Variants in KIF11 observed in about 807,000 individuals in gnomAD.
The protein encoded by KIF11 is kinesin-like protein KIF11.
In KIF11, 9 loss-of-function variants were observed where a neutral mutation model predicts 121.0. The observed-to-expected ratio is 0.07, with a 90% CI of 0.04 to 0.13. The LOEUF (loss-of-function observed/expected upper bound fraction) is 0.13. KIF11 is among the 10% of genes least tolerant of loss of function. The probability of loss-of-function intolerance (pLI) is 1.00; values close to 1 mark genes in which losing one functional copy is unlikely to be tolerated. For missense variants in KIF11, 846 were observed against 1,217.5 expected (o/e 0.69, Z 4.54); for synonymous variants, 408 against 421.0 (o/e 0.97, Z 0.38).
At position 92,593,253 on chromosome 10, in the gene KIF11, C is replaced by A; in HGVS notation, c.-123C>A. On this transcript the variant is annotated 5_prime_UTR_variant, in exon 1 of 22. Coordinates refer to ENST00000260731, the MANE Select transcript of KIF11 (RefSeq NM_004523.4). ...ACGCCGACCTGCGTGCGTCGGTCCT[C>A]CAGGCCACGCCAGCGCCCGAGAGGG... 1 of 962,850 alleles carries A rather than the reference C, an allele frequency of 1.0e-6. No individual in the cohort carries two copies. Among genetic ancestry groups the A allele is most frequent in the Non-Finnish European group, 1.5e-6 (1 of 649,002 alleles). 59.6% of individuals were successfully genotyped at this position (962,850 alleles called of 1,614,324 possible).
chr10:92,626,148 A>G (rs918790812), intron 10 of KIF11, among the ~76,000 whole-genome samples: 3 of 152,240 alleles, frequency 2.0e-5, no homozygotes, highest in Non-Finnish European at 4.4e-5. Context: ...AGCTGGAGGC[A>G]TCGCATTACC....
chr10:92,604,885 T>C (rs913795585), intron 1 of KIF11, among the ~76,000 whole-genome samples: 1 of 152,184 alleles, frequency 6.6e-6, no homozygotes, highest in Admixed American at 6.5e-5. Context: ...GGATGACATT[T>C]ATTAGGCAAT....
At chr10:92,634,706 T>G (rs1406072961) in intron 14 of KIF11, among the ~76,000 whole-genome samples, 2 of 152,226 alleles carry the variant, frequency 1.3e-5, no homozygotes, top group Non-Finnish European at 2.9e-5. Context: ...GAGTAGCAGT[T>G]ATTAGTGAGG....
Position 92,607,208 on chromosome 10 carries a change from T to C in KIF11, c.358T>C (p.Ser120Pro). 1 of 1,607,820 alleles carries C rather than the reference T, an allele frequency of 6.2e-7. No individual in the cohort carries two copies. Among genetic ancestry groups the C allele is most frequent in the African/African-American group, 1.3e-5 (1 of 74,908 alleles). Reference protein sequence around the residue: ...GKTFTMEGERSPNEEYTWEED... With the variant: ...GKTFTMEGERPPNEEYTWEED... ...AACTTTTACAATGGAAGGTGAAAGGTCACCTAATGAAGAGTATACCTGGGA... is the reference window on the plus strand; with the variant it reads ...AACTTTTACAATGGAAGGTGAAAGGCCACCTAATGAAGAGTATACCTGGGA... Residue 120 changes from serine to proline, a missense_variant, in exon 4 of 22, where the codon TCA (serine) becomes CCA (proline). Physicochemically the swap from Ser to Pro is moderately conservative, Grantham distance 74 (BLOSUM62 -1). This residue lies in a region of KIF11 where 140 missense variants were observed against 193.5 expected (regional missense o/e 0.72). Coordinates refer to ENST00000260731, the MANE Select transcript of KIF11 (RefSeq NM_004523.4).
rs1164009147 is a variant in KIF11 at position 92,613,919 on chromosome 10, T to C, written c.1032+300T>C. 6.0e-5 allele frequency among the ~76,000 whole-genome samples: 9 copies of C among 150,158 alleles called. No individual in the cohort carries two copies. The highest frequency in any genetic ancestry group is 2.0e-4 in the African/African-American group (8 of 40,670). On this transcript the variant is annotated intron_variant, in intron 8 of 21. Transcript: ENST00000260731. The surrounding 1 kb of genome is among the most constrained non-coding windows in gnomAD (Gnocchi z 4.2). ...TAAGCCTGGGAGGCAGAAGTTGCATTAAGCTGAGATCATGCAACTACACTC... is the reference window on the plus strand; with the variant it reads ...TAAGCCTGGGAGGCAGAAGTTGCATCAAGCTGAGATCATGCAACTACACTC...
At chr10:92,612,142 A>AT (rs113912289) in intron 6 of KIF11, among the ~76,000 whole-genome samples, 20,430 of 146,108 alleles carry the variant, frequency 0.14, 1,557 homozygotes, top group Non-Finnish European at 0.16. Flanking sequence ...TTTTTTTGTG[A>AT]TTTTTTTTTT....
chr10:92,627,941 T>C (rs917007796), intron 10 of KIF11, among the ~76,000 whole-genome samples: 3 of 152,212 alleles, frequency 2.0e-5, no homozygotes, highest in African/African-American at 7.2e-5. Context: ...TACACTTAAA[T>C]GCTCATTTCT....
chr10:92,645,248 G>A lies in KIF11; in HGVS notation c.2268-115G>A, dbSNP rs1844906588. 3 of 707,654 alleles carry A rather than the reference G, an allele frequency of 4.2e-6. No homozygotes were observed. The Admixed American group carries it at 8.9e-5, about 21-fold the overall frequency. 43.8% of individuals were successfully genotyped at this position (707,654 alleles called of 1,614,324 possible). ...AGATTTACTAAGATCACGGGCCCTG[G>A]AGCCAGACTGTCCACGTTCAGATCT... On this transcript the variant is annotated intron_variant, in intron 17 of 21. Coordinates refer to ENST00000260731, the MANE Select transcript of KIF11 (RefSeq NM_004523.4).
At chr10:92,614,021 T>TACACACACAC (rs71028831) in intron 8 of KIF11, among the ~76,000 whole-genome samples, 178 of 127,040 alleles carry the variant, frequency 1.4e-3, no homozygotes, top group African/African-American at 4.5e-3. Flanking sequence ...AGTATGTGTA[T>TACACACACAC]ACACACACAC....
At chr10:92,617,670 G>C (rs1371241012) in intron 9 of KIF11, among the ~76,000 whole-genome samples, 1 of 151,884 alleles carries the variant, frequency 6.6e-6, no homozygotes, top group Non-Finnish European at 1.5e-5. Context: ...CACTTGTTAT[G>C]GTCGGTCTTT....
At chr10:92,616,444 C>A (rs755144716) in intron 8 of KIF11, among the ~76,000 whole-genome samples, 2 of 152,020 alleles carry the variant, frequency 1.3e-5, no homozygotes, top group Non-Finnish European at 2.9e-5. Context: ...AAGTGACCCT[C>A]ATGCCTTGGC....
chr10:92,629,270 C>T (rs1313776128), intron 11 of KIF11, among the ~76,000 whole-genome samples: 1 of 151,764 alleles, frequency 6.6e-6, no homozygotes. Flanking sequence ...GCGTGAGCCA[C>T]TGCACCCAGC....
At chr10:92,650,729 T>C (rs1564718921) in intron 21 of KIF11, among the ~76,000 whole-genome samples, 1 of 152,200 alleles carries the variant, frequency 6.6e-6, no homozygotes, top group Non-Finnish European at 1.5e-5. Flanking sequence ...TTTGACTTAA[T>C]CTACATCCTT....
intron 11 of KIF11, among the ~76,000 whole-genome samples, chr10:92,629,837 C>T (rs1456249811): frequency 6.6e-6 from 1 of 152,088 alleles, no homozygotes; most frequent in Non-Finnish European, 1.5e-5. Flanking sequence ...AGGCTGGTCT[C>T]AAACTATGGG....
chr10:92,600,720 T>G (rs951000365), intron 1 of KIF11, among the ~76,000 whole-genome samples: 2 of 152,120 alleles, frequency 1.3e-5, no homozygotes, highest in Non-Finnish European at 2.9e-5. Flanking sequence ...TTGGCAAGGC[T>G]GGTCTCAAAC....
Position 92,645,610 on chromosome 10 carries a change from G to C in KIF11, c.2515G>C (p.Glu839Gln), listed in dbSNP as rs745992284. The change falls in exon 18 of 22, where the codon GAA becomes CAA. Residue 839 changes from glutamate to glutamine, a missense_variant. Physicochemically the swap from Glu to Gln is conservative, Grantham distance 29 (BLOSUM62 2). Coordinates refer to ENST00000260731, the MANE Select transcript of KIF11 (RefSeq NM_004523.4). ...TGAACAGTGGGTATCTTCCTTAAATGAAAGGGAACAGGAACTTCACAACTT... is the reference window on the plus strand; with the variant it reads ...TGAACAGTGGGTATCTTCCTTAAATCAAAGGGAACAGGAACTTCACAACTT... ...FSEQWVSSLN[E>Q]REQELHNLLE... The C allele has an allele frequency of 1.9e-5, 31 of 1,606,866 alleles. No individual in the cohort carries two copies. Among genetic ancestry groups the C allele is most frequent in the Non-Finnish European group, 3.4e-6 (4 of 1,176,924 alleles).
intron 1 of KIF11, among the ~76,000 whole-genome samples, chr10:92,603,927 T>C (rs1844402986): frequency 6.6e-6 from 1 of 152,234 alleles, no homozygotes; most frequent in Non-Finnish European, 1.5e-5. Flanking sequence ...GTATTGTTCA[T>C]TGCTGTATCT....
chr10:92,600,610 C>T (rs879552953), intron 1 of KIF11, among the ~76,000 whole-genome samples: 2 of 151,908 alleles, frequency 1.3e-5, no homozygotes, highest in African/African-American at 4.8e-5. Flanking sequence ...TGGGTTCAAG[C>T]GATTCTCCTG....
chr10:92,596,922 T>A (rs1024307823), intron 1 of KIF11: 1 of 290,360 alleles, frequency 3.4e-6, no homozygotes, highest in Non-Finnish European at 7.1e-6. Context: ...TGTTCTGTGC[T>A]ATGTGTCTGC....
Sources: gnomAD v4.1 joint callset for allele counts (sites outside exome capture counted in the v4.1 genomes callset) on GRCh38, gnomAD v4.1.1 for gene constraint, gnomAD v4.1.1 regional missense constraint, Gnocchi (gnomAD v3.1) non-coding constraint, MANE v1.5 for transcripts, NCBI Gene and HGNC (gene_info 2026-07-23, HGNC 2026-07-21) for gene names.